NDST4: variants seen among roughly 807,000 people sequenced by gnomAD.
The protein encoded by NDST4 is N-heparan sulfate sulfotransferase 4.
Under a neutral mutation model 100.8 loss-of-function variants are expected in NDST4, and 63 were observed. The ratio of observed to expected loss-of-function variants is 0.62; its 90% CI spans 0.51 to 0.77. The LOEUF (loss-of-function observed/expected upper bound fraction) is 0.77, where lower values mean the gene tolerates loss of function less well. Ranked by LOEUF, NDST4 falls within the 30% of genes least tolerant of loss-of-function variation. NDST4 has a pLI of 0.00. For missense variants in NDST4, 943 were observed against 1,018.4 expected, an observed-to-expected ratio of 0.93 and a Z score of 1.01; for synonymous variants, 377 against 361.8, an observed-to-expected ratio of 1.04 and a Z score of -0.48.
At chr4:115,013,208 A>G (rs1454700258) in intron 2 of NDST4, among the ~76,000 whole-genome samples, 5 of 151,290 alleles carry the variant, frequency 3.3e-5, no homozygotes, top group East Asian at 1.9e-4. Flanking sequence ...CCAAACAAGT[A>G]TAATTGGAAT....
intron 2 of NDST4, among the ~76,000 whole-genome samples, chr4:114,990,935 C>T (rs1282747511): frequency 6.6e-6 from 1 of 152,030 alleles, no homozygotes; most frequent in Non-Finnish European, 1.5e-5. Flanking sequence ...AATGAGACTT[C>T]AACTCTTATT....
At chr4:114,843,606 C>A (rs1395317004) in intron 10 of NDST4, among the ~76,000 whole-genome samples, 2 of 152,110 alleles carry the variant, frequency 1.3e-5, no homozygotes, top group Non-Finnish European at 2.9e-5. Context: ...TTGCTAAGGG[C>A]TCCACTTCCC....
At chr4:114,941,301 C>T (rs1725744709) in intron 4 of NDST4, among the ~76,000 whole-genome samples, 1 of 152,094 alleles carries the variant, frequency 6.6e-6, no homozygotes, top group Admixed American at 6.5e-5. Context: ...CATCTTTGCT[C>T]TTACTTTTTC....
chr4:114,829,990 A>G, intron 12 of NDST4, 98 bp from the exon 13 acceptor site: 1 of 799,702 alleles, frequency 1.3e-6, no homozygotes, highest in Admixed American at 2.8e-5. Flanking sequence ...TTGTATGCCC[A>G]CTGATTTAAT....
At chr4:114,932,387 T>A (rs1010483435) in intron 6 of NDST4, among the ~76,000 whole-genome samples, 1 of 151,958 alleles carries the variant, frequency 6.6e-6, no homozygotes, top group African/African-American at 2.4e-5. Flanking sequence ...ACAGCTAATA[T>A]CATCTTTAGT....
At chr4:115,022,438 T>TATATATGTGTTCC (rs1420000875) in intron 2 of NDST4, among the ~76,000 whole-genome samples, 2 of 151,698 alleles carry the variant, frequency 1.3e-5, no homozygotes, top group African/African-American at 4.8e-5. Context: ...GTGTTCCATA[T>TATATATGTGTTCC]ATATGTGTTC....
chr4:114,905,197 A>G (rs2126211913), intron 6 of NDST4, among the ~76,000 whole-genome samples: 1 of 151,096 alleles, frequency 6.6e-6, no homozygotes, highest in East Asian at 1.9e-4. Flanking sequence ...CCTAGTTAAT[A>G]TACTGCCCTA....
chr4:115,107,027 G>T (rs1460573329), intron 1 of NDST4, among the ~76,000 whole-genome samples: 1 of 151,974 alleles, frequency 6.6e-6, no homozygotes, highest in African/African-American at 2.4e-5. Flanking sequence ...GTGAGGTGGT[G>T]TGCACCTATA....
At chr4:114,930,728 G>A (rs1725494234) in intron 6 of NDST4, among the ~76,000 whole-genome samples, 1 of 151,938 alleles carries the variant, frequency 6.6e-6, no homozygotes, top group Non-Finnish European at 1.5e-5. Context: ...GACATGATGA[G>A]GACATGCTTT....
intron 10 of NDST4, among the ~76,000 whole-genome samples, chr4:114,840,015 TCTTGGGCCA>T (rs1395597580): frequency 2.0e-5 from 3 of 152,198 alleles, no homozygotes; most frequent in Non-Finnish European, 4.4e-5. Context: ...CTTACATGTT[TCTTGGGCCA>T]CTGTTCCATT....
intron 8 of NDST4, among the ~76,000 whole-genome samples, chr4:114,850,624 A>G (rs1024994764): frequency 4.6e-5 from 7 of 152,170 alleles, no homozygotes; most frequent in Non-Finnish European, 1.0e-4. Flanking sequence ...AAAATCCTAT[A>G]CTAATAGAAA....
chr4:115,063,675 C>T (rs1473733860), intron 2 of NDST4, among the ~76,000 whole-genome samples: 2 of 151,372 alleles, frequency 1.3e-5, no homozygotes, highest in Non-Finnish European at 2.9e-5. Flanking sequence ...CAATTTATCT[C>T]GCCACAGAGA....
chr4:115,048,964 G>A lies in NDST4; in HGVS notation c.978+27095C>T, dbSNP rs142483541. ...CACATTATGAATTTTTGTGCGTGCAGTAAATCTAGTGAAATAATTGTAGGA... is the reference window on the plus strand; with the variant it reads ...CACATTATGAATTTTTGTGCGTGCAATAAATCTAGTGAAATAATTGTAGGA... On this transcript the variant is annotated intron_variant, in intron 2 of 13. Transcript: ENST00000264363. Among the ~76,000 whole-genome samples, 409 of 152,202 alleles carry A rather than the reference G, an allele frequency of 2.7e-3. 1 individual carries two copies. The highest frequency in any genetic ancestry group is 9.5e-3 in the African/African-American group (393 of 41,544).
intron 3 of NDST4, 98 bp downstream of exon 3, chr4:114,977,089 T>C (rs1187890393): frequency 2.7e-6 from 2 of 730,392 alleles, no homozygotes; most frequent in Non-Finnish European, 4.3e-6. Context: ...GTTTTTCCCA[T>C]AATCAATCTG....
chr4:115,101,693 A>C (rs1292763895), intron 1 of NDST4, among the ~76,000 whole-genome samples: 1 of 152,144 alleles, frequency 6.6e-6, no homozygotes, highest in African/African-American at 2.4e-5. Flanking sequence ...GTCAAGTAAA[A>C]TGTTAAAGTG....
chr4:114,848,711 T>C (rs76913934), intron 8 of NDST4, among the ~76,000 whole-genome samples: 4,453 of 152,336 alleles, frequency 0.029, 234 homozygotes, highest in African/African-American at 0.1. Flanking sequence ...CATGGTATCT[T>C]ACCTGGTGGG....
rs149538811 is a variant in NDST4, at chr4:115,014,447, A to G, written c.979-37173T>C. 4.7e-3 allele frequency among the ~76,000 whole-genome samples: 718 copies of G among 152,216 alleles called. 3 individuals are homozygous for G. The highest frequency in any genetic ancestry group is 0.016 in the African/African-American group (681 of 41,540). ...TGTTTAGGGGCTAATGGTATTGGTC[A>G]TGTCGAGATATATTTTCTAAGGTGA... On this transcript the variant is annotated intron_variant, in intron 2 of 13. Transcript: ENST00000264363.
intron 2 of NDST4, among the ~76,000 whole-genome samples, chr4:114,988,342 A>G (rs1373788391): frequency 7.0e-6 from 1 of 142,432 alleles, no homozygotes; most frequent in African/African-American, 2.6e-5. Context: ...AAGCACACAG[A>G]TACACATATC....
At position 114,970,975 on chromosome 4, in the gene NDST4, C is replaced by G. The variant is rs542687727; in HGVS notation, c.1067-391G>C. On this transcript the variant is annotated intron_variant, in intron 3 of 13. Transcript: ENST00000264363. ...ACATTTGTTAATTTTTTTCTGATTA[C>G]ATAAATAATATATGTTTATTAAAGA... Among the ~76,000 whole-genome samples the G allele has an allele frequency of 2.0e-5, 3 of 151,930 alleles. No individual in the cohort carries two copies. The East Asian group carries it at 5.8e-4, about 29-fold the overall frequency.
Sources: gnomAD v4.1 joint callset for allele counts (sites outside exome capture counted in the v4.1 genomes callset) on GRCh38, gnomAD v4.1.1 for gene constraint, MANE v1.5 for transcripts, NCBI Gene and HGNC (gene_info 2026-07-23, HGNC 2026-07-21) for gene names.